DNAH6: variants seen among roughly 807,000 people sequenced by gnomAD.
The protein encoded by DNAH6 is dynein axonemal heavy chain 6, also known as axonemal beta dynein heavy chain 6.
A neutral mutation model predicts 491.4 loss-of-function variants in DNAH6; 340 were observed. The ratio of observed to expected loss-of-function variants is 0.69; its 90% confidence interval spans 0.63 to 0.76. DNAH6 has a LOEUF of 0.76. DNAH6 is among the 30% of genes least tolerant of loss of function. The pLI, the probability that DNAH6 is intolerant of heterozygous loss-of-function variation, is 0.00. For missense variants in DNAH6, 4,443 were observed against 4,972.2 expected, an observed-to-expected ratio of 0.89 and a Z score of 3.20; for synonymous variants, 1,603 against 1,686.1, an observed-to-expected ratio of 0.95 and a Z score of 1.21.
chr2:84,812,754 G>A (rs943405843), intron 73 of DNAH6, among the ~76,000 whole-genome samples: 1 of 152,148 alleles, frequency 6.6e-6, no homozygotes, highest in Non-Finnish European at 1.5e-5. Context: ...CATCCTTGGG[G>A]TTTCAGCTCT....
intron 11 of DNAH6, among the ~76,000 whole-genome samples, chr2:84,570,133 C>A (rs1425838781): frequency 6.6e-6 from 1 of 151,792 alleles, no homozygotes; most frequent in Non-Finnish European, 1.5e-5. Flanking sequence ...TAGGATAGTA[C>A]AATATGAGCC....
At chr2:84,620,860 A>G (rs1687329140) in intron 24 of DNAH6, among the ~76,000 whole-genome samples, 1 of 152,234 alleles carries the variant, frequency 6.6e-6, no homozygotes, top group African/African-American at 2.4e-5. Flanking sequence ...TGGACTTTTC[A>G]GTTGGGAGGA....
chr2:84,625,655 G>A lies in DNAH6; in HGVS notation c.4515+592G>A, dbSNP rs188059613. Among the ~76,000 whole-genome samples, 46 of 152,202 alleles carry A rather than the reference G, an allele frequency of 3.0e-4. No individual in the cohort carries two copies. In the East Asian group the frequency reaches 5.4e-3, roughly 18 times the overall value. On this transcript the variant is annotated intron_variant, in intron 29 of 76. Coordinates refer to ENST00000389394, the MANE Select transcript of DNAH6 (RefSeq NM_001370.2). Reference sequence around the variant, plus strand: ...AAAAATAACAGTAAGCCCATTATATGTTAACTTAAACATGTTTTTGTAAAA... The same window carrying A: ...AAAAATAACAGTAAGCCCATTATATATTAACTTAAACATGTTTTTGTAAAA...
intron 4 of DNAH6, among the ~76,000 whole-genome samples, chr2:84,533,711 A>C (rs1177272942): frequency 6.6e-6 from 1 of 152,142 alleles, no homozygotes; most frequent in Non-Finnish European, 1.5e-5. Context: ...GCTGATAAGA[A>C]TTTGTTTACT....
intron 62 of DNAH6, among the ~76,000 whole-genome samples, chr2:84,743,449 C>T (rs891880054): frequency 6.6e-6 from 1 of 152,222 alleles, no homozygotes. Flanking sequence ...ATCTTACCTT[C>T]AGAAACTTCC....
chr2:84,712,714 C>T (rs1318858070), intron 56 of DNAH6, among the ~76,000 whole-genome samples: 1 of 152,194 alleles, frequency 6.6e-6, no homozygotes, highest in East Asian at 1.9e-4. Context: ...GGCCTATAGG[C>T]TGTCATTTGC....
At chr2:84,591,526 G>A (rs1457861301) in intron 16 of DNAH6, among the ~76,000 whole-genome samples, 1 of 152,064 alleles carries the variant, frequency 6.6e-6, no homozygotes, top group Non-Finnish European at 1.5e-5. Flanking sequence ...TAAAATACCT[G>A]TACTACCCAA....
Position 84,547,266 on chromosome 2 carries a change from A to G in DNAH6, c.931-2A>G. 6.6e-7 allele frequency: 1 copy of G among 1,525,590 alleles called. No homozygotes were observed. Among genetic ancestry groups the G allele is most frequent in the Non-Finnish European group, 8.8e-7 (1 of 1,135,746 alleles). 94.5% of individuals were successfully genotyped at this position (1,525,590 alleles called of 1,614,324 possible). A position where few individuals can be genotyped will look rare whatever the true frequency, so the allele number is the denominator to read the frequency against. On this transcript the variant is annotated splice_acceptor_variant, in intron 5 of 76. Coordinates refer to ENST00000389394, the MANE Select transcript of DNAH6 (RefSeq NM_001370.2). LOFTEE classifies it high-confidence loss of function. The stretch of plus-strand genomic sequence containing the variant: ...AAATAATAAATTCCTATTTTCATTC[A>G]GCATTTGCGACCAGCTCTTCTTAAA...
chr2:84,802,566 C>T (rs1468072294), intron 70 of DNAH6, among the ~76,000 whole-genome samples: 1 of 151,982 alleles, frequency 6.6e-6, no homozygotes, highest in African/African-American at 2.4e-5. Context: ...ATTACTTCTA[C>T]CTAAGAAAAG....
the DNAH6 span, among the ~76,000 whole-genome samples, chr2:84,495,007 T>G: frequency 3.3e-5 from 5 of 152,182 alleles, no homozygotes; most frequent in Admixed American, 2.0e-4. Flanking sequence ...CAGATGTGTC[T>G]CTGTGGAATC....
the DNAH6 span, among the ~76,000 whole-genome samples, chr2:84,468,273 CAGA>C: frequency 1.2e-4 from 19 of 152,210 alleles, no homozygotes; most frequent in Admixed American, 5.9e-4. Context: ...CACACAAAGA[CAGA>C]AGAAGATTAC....
the DNAH6 span, among the ~76,000 whole-genome samples, chr2:84,508,010 A>T: frequency 6.6e-6 from 1 of 152,088 alleles, no homozygotes; most frequent in African/African-American, 2.4e-5. Context: ...TTCATCAGGG[A>T]TATTGGTCTA....
intron 16 of DNAH6, among the ~76,000 whole-genome samples, chr2:84,591,372 C>A (rs1684096085): frequency 6.6e-6 from 1 of 151,854 alleles, no homozygotes; most frequent in Non-Finnish European, 1.5e-5. Context: ...CCATTTACAA[C>A]AGAATCAAAA....
chr2:84,606,942 G>A (rs1250462403), intron 20 of DNAH6, 34 bp from the exon 21 acceptor site: 1 of 1,542,902 alleles, frequency 6.5e-7, no homozygotes. Context: ...CAAATACTGG[G>A]TGCTGCATGT....
intron 3 of DNAH6, among the ~76,000 whole-genome samples, chr2:84,527,419 G>A (rs866113582): frequency 5.9e-4 from 90 of 152,218 alleles, no homozygotes; most frequent in African/African-American, 2.0e-3. Context: ...GGGCTCAGAG[G>A]AAAATATCTA....
chr2:84,469,968 A>G, the DNAH6 span, among the ~76,000 whole-genome samples: 3 of 152,108 alleles, frequency 2.0e-5, no homozygotes, highest in Non-Finnish European at 2.9e-5. This position sits in a 1 kb window ranked among gnomAD's most constrained non-coding sequence, Gnocchi z 4.0. Context: ...CCTTTTATGA[A>G]GAGGGGCCTC....
intron 2 of DNAH6, among the ~76,000 whole-genome samples, chr2:84,519,001 T>C (rs1443038023): frequency 6.6e-6 from 1 of 152,062 alleles, no homozygotes; most frequent in Non-Finnish European, 1.5e-5. Flanking sequence ...GCTGTGCTTA[T>C]ACCACTGCAC....
intron 22 of DNAH6, 130 bp downstream of exon 22, chr2:84,611,984 G>C: frequency 9.8e-6 from 7 of 714,432 alleles, no homozygotes; most frequent in South Asian, 3.2e-5. Context: ...ATTCTAGTCA[G>C]CATGGATGAC....
intron 21 of DNAH6, among the ~76,000 whole-genome samples, chr2:84,610,094 C>T (rs1353396490): frequency 2.0e-5 from 3 of 152,090 alleles, no homozygotes; most frequent in Non-Finnish European, 4.4e-5. Context: ...TGATCCACTT[C>T]CAAGCTCACT....
Sources: allele counts gnomAD v4.1 joint callset (sites outside exome capture counted in the v4.1 genomes callset), GRCh38; gene constraint gnomAD v4.1.1; non-coding constraint Gnocchi (gnomAD v3.1); transcripts MANE v1.5; gene names NCBI Gene and HGNC (gene_info 2026-07-23, HGNC 2026-07-21).